CCDC171: variants seen among roughly 807,000 people sequenced by gnomAD.
CCDC171 encodes the protein coiled-coil domain containing 171, also known as coiled-coil domain-containing protein 171.
Under a neutral mutation model 168.2 loss-of-function variants are expected in CCDC171, and 177 were observed. The ratio of observed to expected loss-of-function variants is 1.05; its 90% CI spans 0.93 to 1.19. CCDC171 has a LOEUF of 1.19. Ranked by LOEUF, CCDC171 falls within the 50% of genes most tolerant of loss-of-function variation. The pLI, the probability that CCDC171 is intolerant of heterozygous loss-of-function variation, is 0.00. For missense variants in CCDC171, 1,991 were observed against 1,539.0 expected (o/e 1.29, Z -4.91); for synonymous variants, 687 against 540.8 (o/e 1.27, Z -3.75).
At chr9:15,842,480 C>G (rs1476113223) in intron 21 of CCDC171, among the ~76,000 whole-genome samples, 1 of 151,912 alleles carries the variant, frequency 6.6e-6, no homozygotes. Context: ...AAAATCATTT[C>G]TAAACAGAAT....
intron 23 of CCDC171, among the ~76,000 whole-genome samples, chr9:15,871,133 A>G (rs963006625): frequency 2.0e-5 from 3 of 151,660 alleles, no homozygotes; most frequent in Admixed American, 1.3e-4. Context: ...GAAGTAATAT[A>G]GGTTTTAAAA....
the CCDC171 span, among the ~76,000 whole-genome samples, chr9:16,091,257 AT>A: frequency 6.6e-6 from 1 of 152,218 alleles, no homozygotes; most frequent in African/African-American, 2.4e-5. Flanking sequence ...GATAAGAGCC[AT>A]TTTTTTCCAG....
intron 23 of CCDC171, among the ~76,000 whole-genome samples, chr9:15,868,392 G>A (rs997142290): frequency 1.3e-5 from 2 of 151,922 alleles, no homozygotes; most frequent in Non-Finnish European, 2.9e-5. Flanking sequence ...GTGGTTTGGG[G>A]ATCCTCCATT....
chr9:15,815,645 A>T (rs1446767947), intron 21 of CCDC171, among the ~76,000 whole-genome samples: 1 of 116,096 alleles, frequency 8.6e-6, no homozygotes, highest in African/African-American at 3.2e-5. Flanking sequence ...ATAAATAATC[A>T]TATTTTCTCT....
chr9:15,735,736 A>T (rs1327424379), intron 16 of CCDC171, among the ~76,000 whole-genome samples: 4 of 152,120 alleles, frequency 2.6e-5, no homozygotes, highest in Non-Finnish European at 5.9e-5. Flanking sequence ...ATATTGTTGG[A>T]GGTGATAATT....
rs542288361 is a variant in CCDC171, at chr9:15,693,458, A to G, written c.1216-1777A>G. On this transcript the variant is annotated intron_variant, in intron 10 of 25. Coordinates refer to ENST00000380701, the MANE Select transcript of CCDC171 (RefSeq NM_173550.4). ...GTGTTGCCTAGGGGAAACACTGGGG[A>G]TACACTGGTGAGGACAAAAAAAAAA... 3.1e-4 allele frequency among the ~76,000 whole-genome samples: 43 copies of G among 136,614 alleles called. 1 individual carries two copies. In the South Asian group the frequency reaches 0.011, roughly 34 times the overall value. 89.6% of individuals were successfully genotyped at this position (136,614 alleles called of 152,430 possible).
chr9:15,578,943 C>A lies in CCDC171; in HGVS notation c.272C>A (p.Ala91Asp), dbSNP rs374246948. The change falls in exon 4 of 26, where the codon GCT becomes GAT. Residue 91 changes from alanine (A) to aspartate (D), a missense_variant. Ala to Asp is a moderately radical substitution (Grantham distance 126). Coordinates refer to ENST00000380701, the MANE Select transcript of CCDC171 (RefSeq NM_173550.4). ...AGTCTGGAATATGACCTAGCTGTTGCTAGAAAGGAAGCTGGTCTTGGAAGA... is the reference window on the plus strand; with the variant it reads ...AGTCTGGAATATGACCTAGCTGTTGATAGAAAGGAAGCTGGTCTTGGAAGA... ...RQSLEYDLAV[A>D]RKEAGLGRRA... The A allele has an allele frequency of 5.0e-6, 8 of 1,613,840 alleles. No homozygotes were observed. Among genetic ancestry groups the A allele is most frequent in the Non-Finnish European group, 6.8e-6 (8 of 1,179,930 alleles).
chr9:15,922,815 T>C (rs1405295747), intron 25 of CCDC171, among the ~76,000 whole-genome samples: 1 of 151,588 alleles, frequency 6.6e-6, no homozygotes, highest in Non-Finnish European at 1.5e-5. Context: ...TCCCCGAAGA[T>C]TAGTGATATT....
intron 18 of CCDC171, among the ~76,000 whole-genome samples, chr9:15,775,689 T>C (rs926833171): frequency 2.1e-4 from 32 of 152,218 alleles, no homozygotes; most frequent in Non-Finnish European, 3.7e-4. Context: ...TTTTTTTGTA[T>C]CCTGAAATTT....
intron 23 of CCDC171, chr9:15,850,157 C>T (rs369398279): frequency 2.6e-5 from 4 of 151,916 alleles, no homozygotes; most frequent in East Asian, 3.9e-4. Flanking sequence ...AAGTCAATTA[C>T]GTCATATACA....
At chr9:15,602,657 T>C (rs1249140157) in intron 6 of CCDC171, among the ~76,000 whole-genome samples, 5 of 36,710 alleles carry the variant, frequency 1.4e-4, no homozygotes, top group Admixed American at 3.9e-4. Flanking sequence ...CTTTTTTTTT[T>C]TTTTTTTTTT....
chr9:15,878,097 A>G (rs575168230), intron 24 of CCDC171, among the ~76,000 whole-genome samples: 5 of 152,294 alleles, frequency 3.3e-5, no homozygotes, highest in African/African-American at 1.2e-4. Context: ...AAGGTGCCAA[A>G]AGCAATTGCA....
At chr9:15,698,284 G>A (rs1361583353) in intron 11 of CCDC171, among the ~76,000 whole-genome samples, 1 of 152,154 alleles carries the variant, frequency 6.6e-6, no homozygotes, top group African/African-American at 2.4e-5. Flanking sequence ...CACTTTGGGA[G>A]GCCGAGGGGG....
chr9:15,698,855 A>G (rs937033602), intron 11 of CCDC171, among the ~76,000 whole-genome samples: 2 of 152,158 alleles, frequency 1.3e-5, no homozygotes, highest in African/African-American at 4.8e-5. Flanking sequence ...GGCTTATACC[A>G]CATTTTCTTT....
the CCDC171 span, among the ~76,000 whole-genome samples, chr9:16,096,867 A>C: frequency 1.3e-5 from 2 of 152,172 alleles, no homozygotes; most frequent in South Asian, 2.1e-4. Context: ...AAGCCCTTCT[A>C]GAGTTCTAAT....
At chr9:15,787,063 A>G (rs79759009) in intron 21 of CCDC171, among the ~76,000 whole-genome samples, 4,506 of 151,922 alleles carry the variant, frequency 0.03, 220 homozygotes, top group African/African-American at 0.1. Context: ...CAGTATCATC[A>G]TTTCCTGGCT....
chr9:15,839,518 G>C (rs10756709), intron 21 of CCDC171, among the ~76,000 whole-genome samples: 2 of 151,836 alleles, frequency 1.3e-5, no homozygotes, highest in African/African-American at 2.4e-5. Context: ...TAGTTTTCTC[G>C]TGTAAAACAG....
chr9:15,989,784 C>T (rs966578889), intron 3 of CCDC171, among the ~76,000 whole-genome samples: 5 of 152,076 alleles, frequency 3.3e-5, no homozygotes, highest in African/African-American at 1.2e-4. Context: ...GACAAATGCA[C>T]AAGCTTCAGT....
chr9:15,823,489 C>T (rs1175602476), intron 21 of CCDC171, among the ~76,000 whole-genome samples: 2 of 151,968 alleles, frequency 1.3e-5, no homozygotes, highest in African/African-American at 4.8e-5. Context: ...GATTACTGAG[C>T]ACATATACCT....
Sources: allele counts gnomAD v4.1 joint callset (sites outside exome capture counted in the v4.1 genomes callset), GRCh38; gene constraint gnomAD v4.1.1; transcripts MANE v1.5; gene names NCBI Gene and HGNC (gene_info 2026-07-23, HGNC 2026-07-21).